FHOD3: variants seen among roughly 807,000 people sequenced by gnomAD.
The protein encoded by FHOD3 is FH1/FH2 domain-containing protein 3.
Under a neutral mutation model 173.0 loss-of-function variants are expected in FHOD3, and 90 were observed. That is an observed-to-expected ratio of 0.52 (90% CI 0.44 to 0.62). The LOEUF (loss-of-function observed/expected upper bound fraction) is 0.62. FHOD3 is among the 20% of genes least tolerant of loss of function. FHOD3 has a pLI of 0.00. For missense variants in FHOD3, 1,945 were observed against 2,034.7 expected (o/e 0.96, Z 0.85); for synonymous variants, 828 against 823.0 (o/e 1.01, Z -0.10).
intron 3 of FHOD3, among the ~76,000 whole-genome samples, chr18:36,492,858 G>C (rs1193122322): frequency 1.3e-5 from 2 of 152,190 alleles, no homozygotes; most frequent in African/African-American, 2.4e-5. Flanking sequence ...TTTTCTCTCT[G>C]AATTTACACG....
chr18:36,322,155 G>C (rs2044431616), intron 1 of FHOD3, among the ~76,000 whole-genome samples: 1 of 152,142 alleles, frequency 6.6e-6, no homozygotes, highest in Admixed American at 6.5e-5. Flanking sequence ...GTGATGGTGG[G>C]AGAAATTGGA....
intron 3 of FHOD3, among the ~76,000 whole-genome samples, chr18:36,477,536 CACCCACCCACCTACCT>C (rs1156337287): frequency 0.02 from 1,344 of 66,596 alleles, 14 homozygotes; most frequent in South Asian, 0.069. Flanking sequence ...TCCACCCACC[CACCCACCCACCTACCT>C]ACCTACCTAC....
At chr18:36,514,578 A>C (rs1278131572) in intron 5 of FHOD3, among the ~76,000 whole-genome samples, 1 of 152,226 alleles carries the variant, frequency 6.6e-6, no homozygotes, top group Admixed American at 6.5e-5. Flanking sequence ...CACACTGACA[A>C]TATATTTTTT....
intron 19 of FHOD3, among the ~76,000 whole-genome samples, chr18:36,727,462 C>T (rs781528208): frequency 5.3e-5 from 8 of 152,158 alleles, no homozygotes; most frequent in Non-Finnish European, 8.8e-5. Flanking sequence ...TTATGAAGAA[C>T]AGCACTTAAA....
chr18:36,448,125 A>G (rs2051604940), intron 3 of FHOD3, among the ~76,000 whole-genome samples: 1 of 152,232 alleles, frequency 6.6e-6, no homozygotes, highest in Non-Finnish European at 1.5e-5. Context: ...CATGAAGAAT[A>G]TTTTCATTTC....
At chr18:36,399,535 C>T (rs1036113564) in intron 3 of FHOD3, among the ~76,000 whole-genome samples, 26 of 152,160 alleles carry the variant, frequency 1.7e-4, no homozygotes, top group Non-Finnish European at 2.9e-4. Flanking sequence ...CCCAGAGCTC[C>T]ACTCTTATCT....
At chr18:36,336,630 A>G (rs1051678868) in intron 1 of FHOD3, among the ~76,000 whole-genome samples, 7 of 151,028 alleles carry the variant, frequency 4.6e-5, no homozygotes, top group African/African-American at 1.7e-4. Flanking sequence ...TGAGATCAGG[A>G]GTTCGAGGCC....
intron 17 of FHOD3, among the ~76,000 whole-genome samples, chr18:36,699,460 G>T (rs2039461905): frequency 6.6e-6 from 1 of 152,172 alleles, no homozygotes; most frequent in African/African-American, 2.4e-5. Context: ...GTGCTTTCAG[G>T]TGCAGTCAGG....
chr18:36,569,693 T>C (rs778004900), intron 5 of FHOD3, among the ~76,000 whole-genome samples: 37 of 152,214 alleles, frequency 2.4e-4, no homozygotes, highest in Non-Finnish European at 5.2e-4. Flanking sequence ...GGTCACAAAA[T>C]AAACCATAAC....
chr18:36,638,749 A>G (rs2035069235), intron 10 of FHOD3, among the ~76,000 whole-genome samples: 1 of 152,132 alleles, frequency 6.6e-6, no homozygotes, highest in African/African-American at 2.4e-5. Context: ...TCTAGGCTGG[A>G]GGTTGCCAGT....
At chr18:36,744,872 G>T (rs1173910994) in intron 23 of FHOD3, among the ~76,000 whole-genome samples, 1 of 152,196 alleles carries the variant, frequency 6.6e-6, no homozygotes, top group East Asian at 1.9e-4. Context: ...CACCAGAACT[G>T]GGAGATGTGA....
At chr18:36,626,068 C>G (rs1234854749) in intron 10 of FHOD3, among the ~76,000 whole-genome samples, 1 of 152,098 alleles carries the variant, frequency 6.6e-6, no homozygotes. Context: ...GAAAAGACTT[C>G]AAAACACAAA....
chr18:36,425,041 C>G (rs982721388), intron 3 of FHOD3, among the ~76,000 whole-genome samples: 4 of 152,078 alleles, frequency 2.6e-5, no homozygotes, highest in African/African-American at 7.2e-5. Context: ...TAAAGTGCGT[C>G]CCCTAGGGAA....
At chr18:36,373,931 C>A (rs1390390409) in intron 3 of FHOD3, among the ~76,000 whole-genome samples, 2 of 152,198 alleles carry the variant, frequency 1.3e-5, no homozygotes, top group Admixed American at 6.5e-5. Context: ...TAAACTTCCC[C>A]CTTACCCTCA....
intron 10 of FHOD3, among the ~76,000 whole-genome samples, chr18:36,626,874 A>T (rs978432955): frequency 6.6e-6 from 1 of 152,182 alleles, no homozygotes; most frequent in Non-Finnish European, 1.5e-5. Context: ...TCTGATACCC[A>T]TGGAATCATT....
At chr18:36,642,048 A>G (rs2035346975) in intron 10 of FHOD3, among the ~76,000 whole-genome samples, 1 of 152,126 alleles carries the variant, frequency 6.6e-6, no homozygotes, top group African/African-American at 2.4e-5. Context: ...CAGAAAACCA[A>G]ATACTGCCTC....
At chr18:36,667,013 AGTAT>A (rs2037226286) in intron 14 of FHOD3, among the ~76,000 whole-genome samples, 1 of 152,224 alleles carries the variant, frequency 6.6e-6, no homozygotes, top group Non-Finnish European at 1.5e-5. Context: ...GTAATCAGGC[AGTAT>A]ATACTCTTTG....
chr18:36,745,874 C>G (rs886504598), intron 23 of FHOD3, among the ~76,000 whole-genome samples: 2 of 151,758 alleles, frequency 1.3e-5, no homozygotes, highest in African/African-American at 4.8e-5. Context: ...CGTGCTCAAC[C>G]CCGCGCACCT....
intron 3 of FHOD3, among the ~76,000 whole-genome samples, chr18:36,499,961 C>T (rs1220995052): frequency 6.6e-6 from 1 of 152,170 alleles, no homozygotes; most frequent in African/African-American, 2.4e-5. Context: ...CATACCACTC[C>T]CCAGACCCCC....
Sources: allele counts gnomAD v4.1 joint callset (sites outside exome capture counted in the v4.1 genomes callset), GRCh38; gene constraint gnomAD v4.1.1; transcripts MANE v1.5; gene names NCBI Gene and HGNC (gene_info 2026-07-23, HGNC 2026-07-21).